The following ZNF678 variants were observed in gnomAD, a reference collection of about 807,000 sequenced individuals.
ZNF678 encodes the protein zinc finger protein 678, also known as hypothetical protein MGC42493.
A neutral mutation model predicts 3.0 loss-of-function variants in ZNF678; 5 were observed. The ratio of observed to expected loss-of-function variants is 1.69; its 90% CI spans 0.88 to 3.56. ZNF678 has a LOEUF of 3.56. Ranked by LOEUF, ZNF678 falls within the 30% of genes most tolerant of loss-of-function variation. ZNF678 has a pLI of 0.00. For missense variants in ZNF678, 593 were observed against 605.0 expected, an observed-to-expected ratio of 0.98 and a Z score of 0.21; for synonymous variants, 218 against 199.6, an observed-to-expected ratio of 1.09 and a Z score of -0.78.
intron 1 of ZNF678, among the ~76,000 whole-genome samples, chr1:227,626,070 G>C (rs1658405004): frequency 6.6e-6 from 1 of 152,290 alleles, no homozygotes; most frequent in Non-Finnish European, 1.5e-5. Context: ...CCTGCTGGTA[G>C]TACAGCAGTA....
chr1:227,623,183 C>T (rs889745127), intron 1 of ZNF678, among the ~76,000 whole-genome samples: 13 of 152,220 alleles, frequency 8.5e-5, no homozygotes, highest in Non-Finnish European at 2.9e-5. Flanking sequence ...CTGTGTACTT[C>T]ACCACTATAT....
intron 1 of ZNF678, among the ~76,000 whole-genome samples, chr1:227,628,889 A>G (rs1658481954): frequency 2.6e-5 from 4 of 152,254 alleles, no homozygotes; most frequent in South Asian, 2.1e-4. Flanking sequence ...AGGATCTTCA[A>G]AGGCAAACAA....
intron 1 of ZNF678, among the ~76,000 whole-genome samples, chr1:227,635,924 CAG>C (rs1163815012): frequency 6.6e-6 from 1 of 152,092 alleles, no homozygotes; most frequent in African/African-American, 2.4e-5. Context: ...AAAGGGAAAA[CAG>C]ATGACTTTCT....
At chr1:227,623,154 A>G (rs1658321940) in intron 1 of ZNF678, among the ~76,000 whole-genome samples, 1 of 152,202 alleles carries the variant, frequency 6.6e-6, no homozygotes, top group Non-Finnish European at 1.5e-5. Context: ...ACTTCTTTAT[A>G]TATTTGCTCC....
intron 1 of ZNF678, among the ~76,000 whole-genome samples, chr1:227,596,023 C>T (rs1248608911): frequency 3.3e-5 from 5 of 152,216 alleles, no homozygotes; most frequent in African/African-American, 4.8e-5. Flanking sequence ...GATGTCCGGA[C>T]TCCAAGTACT....
At chr1:227,596,651 C>G (rs1657596484) in intron 1 of ZNF678, among the ~76,000 whole-genome samples, 1 of 152,154 alleles carries the variant, frequency 6.6e-6, no homozygotes, top group African/African-American at 2.4e-5. Context: ...GGTCTCCTCC[C>G]TTAGCTGTAG....
chr1:227,641,633 CTT>C (rs1314005209), intron 1 of ZNF678, among the ~76,000 whole-genome samples: 4 of 152,050 alleles, frequency 2.6e-5, no homozygotes, highest in Non-Finnish European at 4.4e-5. Context: ...GTAAAGGGGC[CTT>C]TCTTTTTTGG....
At chr1:227,637,688 A>C (rs1658714351) in intron 1 of ZNF678, among the ~76,000 whole-genome samples, 1 of 152,164 alleles carries the variant, frequency 6.6e-6, no homozygotes, top group Non-Finnish European at 1.5e-5. Context: ...TGCAGGTTTT[A>C]AGGGCTCATG....
intron 5 of ZNF678, among the ~76,000 whole-genome samples, chr1:227,672,322 T>C (rs1254192736): frequency 6.6e-6 from 1 of 151,724 alleles, no homozygotes; most frequent in East Asian, 1.9e-4. Flanking sequence ...TGACAGTGGG[T>C]ATGGAGAGTT....
At chr1:227,666,838 G>A (rs1156920149), downstream of ZNF678, among the ~76,000 whole-genome samples, 4 of 145,176 alleles carry the variant, frequency 2.8e-5, no homozygotes, top group Non-Finnish European at 3.0e-5. Context: ...TCCGCCTCCC[G>A]GGTTCAAGCA....
intron 1 of ZNF678, among the ~76,000 whole-genome samples, chr1:227,595,789 A>C (rs978659925): frequency 9.9e-5 from 15 of 152,222 alleles, no homozygotes; most frequent in Non-Finnish European, 1.6e-4. Context: ...CAAGTCAAAA[A>C]CAAAAACCAG....
At chr1:227,636,545 A>G (rs1223335953) in intron 1 of ZNF678, among the ~76,000 whole-genome samples, 1 of 152,198 alleles carries the variant, frequency 6.6e-6, no homozygotes, top group Middle Eastern at 3.2e-3. Context: ...AACCCCATGA[A>G]TCATCCTCAG....
chr1:227,616,014 C>T (rs1658133213), intron 1 of ZNF678, among the ~76,000 whole-genome samples: 1 of 152,156 alleles, frequency 6.6e-6, no homozygotes, highest in African/African-American at 2.4e-5. Flanking sequence ...TCTGAGGATG[C>T]CACCAATTCC....
intron 1 of ZNF678, among the ~76,000 whole-genome samples, chr1:227,603,099 A>G (rs1390147439): frequency 2.6e-5 from 4 of 152,176 alleles, no homozygotes; most frequent in African/African-American, 9.7e-5. Context: ...TCCCTCTTGC[A>G]GGTACTGCCT....
At chr1:227,647,205 T>C (rs59336221) in intron 2 of ZNF678, among the ~76,000 whole-genome samples, 32,446 of 152,130 alleles carry the variant, frequency 0.21, 3,620 homozygotes, top group East Asian at 0.28. Flanking sequence ...TGCAGTGAGC[T>C]GAGATCATGC....
chr1:227,605,012 C>T (rs539874420), intron 1 of ZNF678, among the ~76,000 whole-genome samples: 3 of 152,140 alleles, frequency 2.0e-5, no homozygotes, highest in Admixed American at 6.5e-5. Flanking sequence ...CCCACCACCA[C>T]GCCCAACTAA....
intron 1 of ZNF678, among the ~76,000 whole-genome samples, chr1:227,582,110 T>C (rs1657144155): frequency 6.6e-6 from 1 of 152,178 alleles, no homozygotes. Context: ...GTCTACCTTT[T>C]TCTTATTAAT....
chr1:227,658,199 T>A lies in ZNF678; in HGVS notation c.*2371T>A, dbSNP rs560954860. The stretch of plus-strand genomic sequence containing the variant: ...GTTTCCATTTTAATATTTTACATAA[T>A]TGAATTTTTTTCACTTTATTGAGCC... On this transcript the variant is annotated 3_prime_UTR_variant, in exon 4 of 4. Coordinates refer to ENST00000343776, the MANE Select transcript of ZNF678 (RefSeq NM_001367909.1). 1 of 152,054 alleles carries A rather than the reference T, an allele frequency of 6.6e-6. No homozygotes were observed. The highest frequency in any genetic ancestry group is 6.6e-5 in the Admixed American group (1 of 15,244). 9.4% of individuals were successfully genotyped at this position (152,054 alleles called of 1,614,324 possible). A position where few individuals can be genotyped will look rare whatever the true frequency, so the allele number is the denominator to read the frequency against.
At chr1:227,663,871 G>C (rs1659457138), downstream of ZNF678, among the ~76,000 whole-genome samples, 7 of 152,220 alleles carry the variant, frequency 4.6e-5, no homozygotes, top group South Asian at 1.5e-3. Flanking sequence ...TCTGATCCCT[G>C]TCTGCAAAGA....
Sources: allele counts gnomAD v4.1 joint callset (sites outside exome capture counted in the v4.1 genomes callset), GRCh38; gene constraint gnomAD v4.1.1; transcripts MANE v1.5; gene names NCBI Gene and HGNC (gene_info 2026-07-23, HGNC 2026-07-21).